CADM2: variants seen among roughly 807,000 people sequenced by gnomAD.
The protein encoded by CADM2 is immunoglobulin superfamily member 4D.
CADM2 carries 12 observed loss-of-function variants against 49.8 expected under a neutral mutation model. The observed-to-expected ratio is 0.24, with a 90% CI of 0.15 to 0.39. CADM2 has a LOEUF of 0.39. Ranked by LOEUF, CADM2 falls within the 10% of genes least tolerant of loss-of-function variation. The pLI, the probability that CADM2 is intolerant of heterozygous loss-of-function variation, is 1.00. For missense variants in CADM2, 378 were observed against 492.3 expected, an observed-to-expected ratio of 0.77 and a Z score of 2.20; for synonymous variants, 214 against 175.4, an observed-to-expected ratio of 1.22 and a Z score of -1.74.
chr3:85,444,436 T>TAC (rs1442711753), intron 1 of CADM2, among the ~76,000 whole-genome samples: 5 of 114,714 alleles, frequency 4.4e-5, no homozygotes, highest in African/African-American at 1.4e-4. Context: ...TGTCTTTTCC[T>TAC]ACACACTCAC....
intron 1 of CADM2, among the ~76,000 whole-genome samples, chr3:85,486,064 A>G (rs767979096): frequency 2.6e-5 from 4 of 152,100 alleles, no homozygotes; most frequent in Non-Finnish European, 5.9e-5. Flanking sequence ...CACAGCAGGA[A>G]ACTTATTCTC....
intron 1 of CADM2, among the ~76,000 whole-genome samples, chr3:85,449,082 A>AATAATTAT (rs1553724946): frequency 8.4e-4 from 95 of 112,930 alleles, no homozygotes; most frequent in Non-Finnish European, 1.1e-3. Context: ...ATAATGATAA[A>AATAATTAT]AATTATATAA....
chr3:85,478,846 C>A (rs2107622587), intron 1 of CADM2, among the ~76,000 whole-genome samples: 1 of 152,092 alleles, frequency 6.6e-6, no homozygotes, highest in Non-Finnish European at 1.5e-5. Flanking sequence ...AGCTATGAAA[C>A]ACTTCCAATG....
chr3:85,729,685 T>G (rs2067850978), intron 2 of CADM2, among the ~76,000 whole-genome samples: 1 of 152,188 alleles, frequency 6.6e-6, no homozygotes, highest in Non-Finnish European at 1.5e-5. Context: ...TGCACTAGCT[T>G]CTTGGTCTAA....
chr3:85,351,441 CAAAA>C (rs2107238542), intron 1 of CADM2, among the ~76,000 whole-genome samples: 1 of 152,172 alleles, frequency 6.6e-6, no homozygotes, highest in South Asian at 2.1e-4. Context: ...AGTAAGTTAA[CAAAA>C]GAAATAAAAT....
At chr3:85,813,670 A>C (rs1181279213) in intron 3 of CADM2, among the ~76,000 whole-genome samples, 1 of 152,110 alleles carries the variant, frequency 6.6e-6, no homozygotes, top group African/African-American at 2.4e-5. Context: ...TTACGATTTT[A>C]GGTCTTACAT....
chr3:85,144,547 G>C (rs1328985502), intron 1 of CADM2, among the ~76,000 whole-genome samples: 1 of 151,250 alleles, frequency 6.6e-6, no homozygotes, highest in Non-Finnish European at 1.5e-5. Context: ...AGGAGGTGGA[G>C]GTTGCAGTGA....
At chr3:85,951,897 A>G (rs1027331637) in intron 7 of CADM2, among the ~76,000 whole-genome samples, 1 of 150,850 alleles carries the variant, frequency 6.6e-6, no homozygotes, top group African/African-American at 2.4e-5. Context: ...GGAGAAAGGG[A>G]AAAAACAAAA....
At chr3:86,023,485 A>G (rs1733473437) in intron 8 of CADM2, among the ~76,000 whole-genome samples, 1 of 151,886 alleles carries the variant, frequency 6.6e-6, no homozygotes, top group Admixed American at 6.6e-5. Flanking sequence ...TGGCCTCCTG[A>G]GTGCCTGGGA....
chr3:85,939,441 G>A (rs765302923), intron 7 of CADM2, among the ~76,000 whole-genome samples: 11 of 140,398 alleles, frequency 7.8e-5, no homozygotes, highest in Non-Finnish European at 1.7e-4. Flanking sequence ...TCAGGCAGCA[G>A]CATTCTCCAT....
At chr3:86,028,175 C>T (rs1055593051) in intron 8 of CADM2, among the ~76,000 whole-genome samples, 10 of 148,206 alleles carry the variant, frequency 6.7e-5, no homozygotes, top group African/African-American at 1.0e-4. Flanking sequence ...ACGTTGTGCA[C>T]GTGTACCCTA....
chr3:85,634,362 C>T (rs2064396718), intron 1 of CADM2, among the ~76,000 whole-genome samples: 3 of 151,960 alleles, frequency 2.0e-5, no homozygotes, highest in Admixed American at 1.3e-4. Context: ...ATCTACTGAA[C>T]TGAAGACATT....
intron 1 of CADM2, among the ~76,000 whole-genome samples, chr3:85,102,167 T>C (rs1438250328): frequency 6.6e-6 from 1 of 152,218 alleles, no homozygotes; most frequent in Non-Finnish European, 1.5e-5. Flanking sequence ...GCCATTGTTA[T>C]GCCATGCCTT....
At chr3:85,248,523 A>G (rs1403988550) in intron 1 of CADM2, among the ~76,000 whole-genome samples, 1 of 152,130 alleles carries the variant, frequency 6.6e-6, no homozygotes. Context: ...CAATACGCCA[A>G]CCTTGGCTTC....
intron 1 of CADM2, among the ~76,000 whole-genome samples, chr3:85,306,137 A>G (rs1030103758): frequency 6.6e-6 from 1 of 151,674 alleles, no homozygotes; most frequent in Non-Finnish European, 1.5e-5. Context: ...TGTTCTATCT[A>G]AGGATGCATC....
At chr3:85,382,206 G>GT (rs2033946919) in intron 1 of CADM2, among the ~76,000 whole-genome samples, 1 of 152,034 alleles carries the variant, frequency 6.6e-6, no homozygotes, top group Non-Finnish European at 1.5e-5. Context: ...AGAATAAATT[G>GT]TACTCAAAAT....
chr3:85,317,879 A>T (rs2107085422), intron 1 of CADM2, among the ~76,000 whole-genome samples: 1 of 152,368 alleles, frequency 6.6e-6, no homozygotes, highest in East Asian at 1.9e-4. Context: ...AATATGAAAG[A>T]GACTATAGAA....
intron 5 of CADM2, among the ~76,000 whole-genome samples, chr3:85,896,831 T>C (rs2108435998): frequency 6.6e-6 from 1 of 152,342 alleles, no homozygotes; most frequent in South Asian, 2.1e-4. Flanking sequence ...AGAGTGAATT[T>C]CTGAATGCTG....
rs543224807 is a variant in CADM2, at chr3:85,382,556, T to C, written c.62-343966T>C. Among the ~76,000 whole-genome samples, 14 of 152,290 alleles carry C rather than the reference T, an allele frequency of 9.2e-5. No individual in the cohort carries two copies. In the East Asian group the frequency reaches 2.7e-3, roughly 29 times the overall value. On this transcript the variant is annotated intron_variant, in intron 1 of 9. Coordinates refer to ENST00000383699, the MANE Select transcript of CADM2 (RefSeq NM_001167675.2). The stretch of plus-strand genomic sequence containing the variant: ...ATCTTATTCGCCAAACAAAACAAGT[T>C]ATTTATTTTAACTGCATCTGTTTAA...
Sources: gnomAD v4.1 joint callset for allele counts (sites outside exome capture counted in the v4.1 genomes callset) on GRCh38, gnomAD v4.1.1 for gene constraint, MANE v1.5 for transcripts, NCBI Gene and HGNC (gene_info 2026-07-23, HGNC 2026-07-21) for gene names.